The following CTNNA3 variants were observed in gnomAD, a reference collection of about 807,000 sequenced individuals.
The protein encoded by CTNNA3 is catenin alpha 3, also known as catenin alpha-3.
Under a neutral mutation model 95.7 loss-of-function variants are expected in CTNNA3, and 76 were observed. That is an observed-to-expected ratio of 0.79 (90% CI 0.66 to 0.96). The LOEUF is 0.96. CTNNA3 is among the 40% of genes least tolerant of loss of function. The probability of loss-of-function intolerance (pLI) is 0.00; values close to 1 mark genes in which losing one functional copy is unlikely to be tolerated. For synonymous variants in CTNNA3, 431 were observed against 374.4 expected (o/e 1.15, Z -1.74); for missense variants, 1,191 against 1,089.8 (o/e 1.09, Z -1.31).
At chr10:66,695,053 G>A (rs529096815) in intron 9 of CTNNA3, among the ~76,000 whole-genome samples, 3 of 152,274 alleles carry the variant, frequency 2.0e-5, no homozygotes, top group Middle Eastern at 6.8e-3. Flanking sequence ...CTGAAAGCTC[G>A]ATGGCACCTA....
intron 5 of CTNNA3, among the ~76,000 whole-genome samples, chr10:67,330,503 A>C (rs1841737114): frequency 6.6e-6 from 1 of 152,182 alleles, no homozygotes. Flanking sequence ...CGCAGCATAT[A>C]TTACTATCAT....
intron 12 of CTNNA3, among the ~76,000 whole-genome samples, chr10:66,313,170 T>A (rs1344015286): frequency 6.6e-6 from 1 of 152,206 alleles, no homozygotes; most frequent in African/African-American, 2.4e-5. Context: ...CTGCATGGCA[T>A]ATAGCCTTTA....
chr10:66,058,428 C>T (rs2080127734), intron 15 of CTNNA3, among the ~76,000 whole-genome samples: 1 of 152,176 alleles, frequency 6.6e-6, no homozygotes, highest in Non-Finnish European at 1.5e-5. Flanking sequence ...CCTAGTTCTT[C>T]ATCCACCATC....
At chr10:66,944,633 T>A (rs568789186) in intron 7 of CTNNA3, among the ~76,000 whole-genome samples, 222 of 152,206 alleles carry the variant, frequency 1.5e-3, no homozygotes, top group Non-Finnish European at 2.4e-3. Context: ...CAAGGCAGCA[T>A]GAGACTTATA....
At chr10:67,490,788 C>A (rs1298330075) in intron 5 of CTNNA3, among the ~76,000 whole-genome samples, 2 of 151,894 alleles carry the variant, frequency 1.3e-5, no homozygotes, top group African/African-American at 4.8e-5. Context: ...CTTAGAAAGG[C>A]CTTGGGAGAG....
intron 11 of CTNNA3, among the ~76,000 whole-genome samples, chr10:66,490,789 C>T (rs772835322): frequency 2.6e-5 from 4 of 152,162 alleles, no homozygotes; most frequent in Non-Finnish European, 5.9e-5. Flanking sequence ...GGCCTCTATG[C>T]ATGAGGAAGC....
chr10:66,991,602 A>G (rs1851041218), intron 7 of CTNNA3, among the ~76,000 whole-genome samples: 1 of 152,084 alleles, frequency 6.6e-6, no homozygotes, highest in Non-Finnish European at 1.5e-5. Context: ...CCCAGGCTGG[A>G]GTGCAATGGC....
chr10:67,544,555 A>G (rs368984547), intron 3 of CTNNA3, among the ~76,000 whole-genome samples: 83 of 152,234 alleles, frequency 5.5e-4, no homozygotes, highest in African/African-American at 2.0e-3. Flanking sequence ...ACACAGAGAA[A>G]GAACACTGAT....
At chr10:67,632,323 A>AAC (rs1564796099) in intron 2 of CTNNA3, among the ~76,000 whole-genome samples, 1 of 151,508 alleles carries the variant, frequency 6.6e-6, no homozygotes, top group African/African-American at 2.4e-5. Flanking sequence ...AAAAAAAAAA[A>AAC]ACACTCCTTC....
chr10:66,336,974 A>G (rs1196677941), intron 12 of CTNNA3, among the ~76,000 whole-genome samples: 3 of 152,144 alleles, frequency 2.0e-5, no homozygotes, highest in Admixed American at 1.3e-4. Context: ...GAAGTGCAGT[A>G]TAACAGATTG....
At chr10:66,242,254 T>C (rs1449299015) in intron 13 of CTNNA3, among the ~76,000 whole-genome samples, 1 of 152,130 alleles carries the variant, frequency 6.6e-6, no homozygotes, top group Non-Finnish European at 1.5e-5. Context: ...GGTATCCTGT[T>C]ACCTGAAACA....
At chr10:65,977,640 G>C (rs918571340) in intron 16 of CTNNA3, among the ~76,000 whole-genome samples, 2 of 151,844 alleles carry the variant, frequency 1.3e-5, no homozygotes, top group African/African-American at 4.8e-5. Context: ...ATATTAGCCG[G>C]GCATGGTGAC....
Position 66,557,258 on chromosome 10 carries a change from T to A in CTNNA3, c.1375-36485A>T, listed in dbSNP as rs568125538. 4.6e-5 allele frequency among the ~76,000 whole-genome samples: 7 copies of A among 152,198 alleles called. No individual in the cohort carries two copies. The South Asian group carries it at 1.0e-3, about 23-fold the overall frequency. On this transcript the variant is annotated intron_variant, in intron 10 of 17. Coordinates refer to ENST00000433211, the MANE Select transcript of CTNNA3 (RefSeq NM_013266.4). The stretch of plus-strand genomic sequence containing the variant: ...AATATCCATCATTATTTCTAGCATA[T>A]CAATTTTCTATAAGTTCTCTGAAAT...
At chr10:67,045,223 C>T (rs1204028530) in intron 7 of CTNNA3, among the ~76,000 whole-genome samples, 1 of 152,166 alleles carries the variant, frequency 6.6e-6, no homozygotes, top group Non-Finnish European at 1.5e-5. Flanking sequence ...CTTGAGATTA[C>T]TCTACCAACA....
chr10:66,744,256 CT>C (rs1849429030), intron 9 of CTNNA3, among the ~76,000 whole-genome samples: 1 of 152,126 alleles, frequency 6.6e-6, no homozygotes, highest in South Asian at 2.1e-4. Flanking sequence ...CTATTTAGCT[CT>C]TCTTAGTATA....
At chr10:67,433,678 T>C (rs1289555707) in intron 5 of CTNNA3, among the ~76,000 whole-genome samples, 2 of 152,042 alleles carry the variant, frequency 1.3e-5, no homozygotes, top group Admixed American at 1.3e-4. Flanking sequence ...TATGAAAATA[T>C]GTATTGGATG....
intron 5 of CTNNA3, among the ~76,000 whole-genome samples, chr10:67,286,363 A>C (rs1399593561): frequency 3.3e-5 from 5 of 152,234 alleles, no homozygotes; most frequent in African/African-American, 1.2e-4. Context: ...TGGAGCTCTT[A>C]GTTCAAATCC....
chr10:66,210,294 C>A lies in CTNNA3; in HGVS notation c.1884+70176G>T, dbSNP rs10996975. On this transcript the variant is annotated intron_variant, in intron 13 of 17. Coordinates refer to ENST00000433211, the MANE Select transcript of CTNNA3 (RefSeq NM_013266.4). ...GAAAAAATGGCAATGATAGTGGAAC[C>A]ACTTCCTATAATTTACTAAGGCAAA... 5.3e-5 allele frequency among the ~76,000 whole-genome samples: 8 copies of A among 150,288 alleles called. No homozygotes were observed. In the Admixed American group the frequency reaches 5.4e-4, roughly 10 times the overall value.
intron 11 of CTNNA3, among the ~76,000 whole-genome samples, chr10:66,394,573 A>G (rs2092960284): frequency 7.0e-6 from 1 of 142,248 alleles, no homozygotes; most frequent in Admixed American, 7.0e-5. Context: ...AAAAAAAAAG[A>G]AGAAGAAATC....
Sources: gnomAD v4.1 joint callset for allele counts (sites outside exome capture counted in the v4.1 genomes callset) on GRCh38, gnomAD v4.1.1 for gene constraint, MANE v1.5 for transcripts, NCBI Gene and HGNC (gene_info 2026-07-23, HGNC 2026-07-21) for gene names.